MMS22L: variants seen among roughly 807,000 people sequenced by gnomAD.
MMS22L encodes MMS22 like, DNA repair protein, also known as protein MMS22-like.
In MMS22L, 74 loss-of-function variants were observed where a neutral mutation model predicts 159.1. The observed-to-expected ratio is 0.47, with a 90% confidence interval of 0.39 to 0.56. The LOEUF is 0.56. Ranked by LOEUF, MMS22L falls within the 20% of genes least tolerant of loss-of-function variation. The pLI is 0.00. For synonymous variants in MMS22L, 517 were observed against 506.9 expected (o/e 1.02, Z -0.27); for missense variants, 1,351 against 1,422.1 (o/e 0.95, Z 0.80).
Position 97,145,806 on chromosome 6 carries a change from C to G in MMS22L, c.*1000G>C, listed in dbSNP as rs1435937003. On this transcript the variant is annotated 3_prime_UTR_variant, in exon 25 of 25. Coordinates refer to ENST00000683635, the MANE Select transcript of MMS22L (RefSeq NM_001350599.2). ...TTGAGACCCAGGTGGGTTCCCAAAA[C>G]TAGGACTGGAGCTCTTTCAACCAAA... The G allele has an allele frequency of 1.3e-5, 2 of 152,106 alleles. No individual in the cohort carries two copies. Among genetic ancestry groups the G allele is most frequent in the Admixed American group, 1.3e-4 (2 of 15,270 alleles). 9.4% of individuals were successfully genotyped at this position (152,106 alleles called of 1,614,324 possible).
At chr6:97,246,576 G>C in intron 11 of MMS22L, 52 bp downstream of exon 11, 1 of 1,427,114 alleles carries the variant, frequency 7.0e-7, no homozygotes, top group Non-Finnish European at 9.6e-7. Flanking sequence ...AATAAAATTT[G>C]TAACATAAAA....
rs770712068 is a variant in MMS22L, at chr6:97,229,170, A to C, written c.1763T>G (p.Ile588Ser). The change falls in exon 14 of 25, where the codon ATT becomes AGT. Residue 588 changes from isoleucine to serine, a missense_variant. By Grantham distance (142) the Ile-to-Ser change is moderately radical (BLOSUM62 -2). Coordinates refer to ENST00000683635, the MANE Select transcript of MMS22L (RefSeq NM_001350599.2). ...TGAAAATTTCTCAGCCAAAACACCA[A>C]TGTCCAGATTTTTCTGGGCATACAT... is the stretch of plus-strand genomic sequence containing the variant. The part of the protein sequence containing the change: ...LLMYAQKNLD[I>S]GVLAEKFSCA... 6.2e-7 allele frequency: 1 copy of C among 1,613,940 alleles called. No individual in the cohort carries two copies. Among genetic ancestry groups the C allele is most frequent in the African/African-American group, 1.3e-5 (1 of 74,892 alleles).
At chr6:97,260,083 G>C (rs916465958) in intron 9 of MMS22L, 1 of 152,172 alleles carries the variant, frequency 6.6e-6, no homozygotes, top group African/African-American at 2.4e-5. Flanking sequence ...TTTGTGCCTA[G>C]AGGACTTGGA....
intron 14 of MMS22L, among the ~76,000 whole-genome samples, chr6:97,215,390 C>T (rs551055758): frequency 6.6e-6 from 1 of 152,234 alleles, no homozygotes; most frequent in Non-Finnish European, 1.5e-5. Flanking sequence ...TCACTTCCTA[C>T]ATTTCAAATT....
In MMS22L at chr6:97,231,590, G is replaced by A. The variant is rs1385852161; in HGVS notation, c.1365C>T (p.Pro455=). The A allele has an allele frequency of 1.9e-6, 3 of 1,613,658 alleles. No homozygotes were observed. The highest frequency in any genetic ancestry group is 2.5e-6 in the Non-Finnish European group (3 of 1,179,832). ...FKGLANTMKS[P]LSMLEMVKTC... ...TCTTCACCATTTCAAGCATAGACAA[G>A]GGTGACTTCATGGTATTAGCAAGGC... The change falls in exon 13 of 25, where the codon CCC becomes CCT. Residue 455 remains proline (P), a synonymous_variant. Coordinates refer to ENST00000683635, the MANE Select transcript of MMS22L (RefSeq NM_001350599.2).
intron 14 of MMS22L, among the ~76,000 whole-genome samples, chr6:97,195,368 G>C (rs1806380357): frequency 6.6e-6 from 1 of 152,016 alleles, no homozygotes; most frequent in South Asian, 2.1e-4. Context: ...TAAGGACTTT[G>C]GATAAAATCC....
intron 6 of MMS22L, chr6:97,270,246 T>C (rs886790474): frequency 1.7e-6 from 1 of 589,830 alleles, no homozygotes; most frequent in African/African-American, 1.8e-5. Context: ...ACTTGTATAG[T>C]AAAGGTACCT....
intron 20 of MMS22L, among the ~76,000 whole-genome samples, chr6:97,167,584 AC>A (rs1483066995): frequency 2.6e-5 from 4 of 152,010 alleles, no homozygotes; most frequent in Non-Finnish European, 5.9e-5. Context: ...TTAAGTCCAA[AC>A]TTCTTAGGAT....
At chr6:97,175,883 C>T (rs1804062537) in intron 18 of MMS22L, among the ~76,000 whole-genome samples, 2 of 152,104 alleles carry the variant, frequency 1.3e-5, no homozygotes, top group Non-Finnish European at 2.9e-5. Flanking sequence ...GCCAAATAGC[C>T]AAGTCTGAAT....
intron 4 of MMS22L, among the ~76,000 whole-genome samples, chr6:97,274,682 A>T (rs1816083253): frequency 6.6e-6 from 1 of 152,160 alleles, no homozygotes; most frequent in South Asian, 2.1e-4. Flanking sequence ...AAGTTTAGGG[A>T]AGTCCAAATT....
chr6:97,185,802 G>A (rs1407632249), intron 15 of MMS22L, among the ~76,000 whole-genome samples: 2 of 151,896 alleles, frequency 1.3e-5, no homozygotes, highest in Non-Finnish European at 2.9e-5. Flanking sequence ...CCTTTAAATG[G>A]ACTTCATTCA....
intron 22 of MMS22L, among the ~76,000 whole-genome samples, chr6:97,161,125 C>T (rs1802390866): frequency 6.6e-6 from 1 of 151,990 alleles, no homozygotes; most frequent in African/African-American, 2.4e-5. Flanking sequence ...TGTTTCTTTG[C>T]ATGTCCTGTA....
intron 14 of MMS22L, among the ~76,000 whole-genome samples, chr6:97,204,646 G>C (rs1807554032): frequency 6.6e-6 from 1 of 151,872 alleles, no homozygotes; most frequent in African/African-American, 2.4e-5. Context: ...GGCGGGGGTA[G>C]GGGGTGGGCA....
In MMS22L at chr6:97,142,177, TTTTA is replaced by T. The variant is rs1320134648; in HGVS notation, c.*4625_*4628del. 7 of 151,728 alleles carry T rather than the reference TTTTA, an allele frequency of 4.6e-5. No individual in the cohort carries two copies. The highest frequency in any genetic ancestry group is 1.4e-4 in the African/African-American group (6 of 41,412). 9.4% of individuals were successfully genotyped at this position (151,728 alleles called of 1,614,324 possible). ...GGCACAATGTAAGTTACATATATAC[TTTTA>T]TTATTATATATAATTTTATCATATG... On this transcript the variant is annotated 3_prime_UTR_variant, in exon 25 of 25. Transcript: ENST00000683635.
At chr6:97,225,780 G>C (rs1582691461) in intron 14 of MMS22L, among the ~76,000 whole-genome samples, 1 of 152,056 alleles carries the variant, frequency 6.6e-6, no homozygotes, top group East Asian at 1.9e-4. Context: ...CACCCTGTTA[G>C]CCAGGATGGT....
At chr6:97,199,270 T>C (rs924432862) in intron 14 of MMS22L, among the ~76,000 whole-genome samples, 3 of 152,154 alleles carry the variant, frequency 2.0e-5, no homozygotes, top group Non-Finnish European at 4.4e-5. Context: ...CTGAAGTCCA[T>C]TTGTGAGCAT....
In MMS22L at chr6:97,142,655, C is replaced by T. The variant is rs1179296726; in HGVS notation, c.*4151G>A. ...TATTTACCTTTTAGACATGGGGAGA[C>T]ATGAGTGCTATGATAACATACGGTT... On this transcript the variant is annotated 3_prime_UTR_variant, in exon 25 of 25. Transcript: ENST00000683635. 6.6e-6 allele frequency: 1 copy of T among 152,042 alleles called. No individual in the cohort carries two copies. The highest frequency in any genetic ancestry group is 1.5e-5 in the Non-Finnish European group (1 of 67,960). The allele number at this position is 152,042 out of a possible 1,614,324, so 9.4% of individuals were successfully genotyped here. A position where few individuals can be genotyped will look rare whatever the true frequency, so the allele number is the denominator to read the frequency against.
chr6:97,232,019 T>C (rs1399791475), intron 12 of MMS22L, among the ~76,000 whole-genome samples: 1 of 152,150 alleles, frequency 6.6e-6, no homozygotes, highest in Non-Finnish European at 1.5e-5. Context: ...GTATAAAATT[T>C]CCCATGTTCT....
chr6:97,149,043 C>T (rs1801065258), intron 24 of MMS22L, among the ~76,000 whole-genome samples: 1 of 152,192 alleles, frequency 6.6e-6, no homozygotes, highest in Non-Finnish European at 1.5e-5. Flanking sequence ...ACATGTTATA[C>T]AAGTTTGTAG....
Sources: gnomAD v4.1 joint callset for allele counts (sites outside exome capture counted in the v4.1 genomes callset) on GRCh38, gnomAD v4.1.1 for gene constraint, MANE v1.5 for transcripts, NCBI Gene and HGNC (gene_info 2026-07-23, HGNC 2026-07-21) for gene names.